The following COL5A2 variants were observed in gnomAD, a reference collection of about 807,000 sequenced individuals.
The protein encoded by COL5A2 is collagen alpha-2(V) chain.
Under a neutral mutation model 208.2 loss-of-function variants are expected in COL5A2, and 23 were observed. That is an observed-to-expected ratio of 0.11 (90% CI 0.08 to 0.16). COL5A2 has a LOEUF of 0.16. Among genes scored for constraint, COL5A2 ranks in the 10% least tolerant of loss-of-function variants. The pLI is 1.00. For synonymous variants in COL5A2, 625 were observed against 628.5 expected, an observed-to-expected ratio of 0.99 and a Z score of 0.08; for missense variants, 1,590 against 1,956.4, an observed-to-expected ratio of 0.81 and a Z score of 3.53.
the COL5A2 span, among the ~76,000 whole-genome samples, chr2:189,324,075 G>C: frequency 1.3e-5 from 2 of 152,160 alleles, no homozygotes; most frequent in African/African-American, 4.8e-5. Context: ...ATGGGCAAAG[G>C]ATTCCCTATT....
chr2:189,431,185 T>C, the COL5A2 span, among the ~76,000 whole-genome samples: 1 of 152,130 alleles, frequency 6.6e-6, no homozygotes, highest in Admixed American at 6.5e-5. Context: ...ACCCCATCTG[T>C]AGGTCACCAA....
the COL5A2 span, among the ~76,000 whole-genome samples, chr2:189,363,018 A>G: frequency 6.6e-6 from 1 of 152,126 alleles, no homozygotes; most frequent in Non-Finnish European, 1.5e-5. Context: ...GTTGACACAA[A>G]CAGAAATACA....
At chr2:189,056,845 G>A (rs1443979532) in intron 35 of COL5A2, 128 bp downstream of exon 35, 1 of 852,418 alleles carries the variant, frequency 1.2e-6, no homozygotes, top group Admixed American at 1.7e-5. Context: ...GATCTCACAT[G>A]CCATTATTCT....
At chr2:189,177,874 A>T (rs1425256113) in intron 1 of COL5A2, among the ~76,000 whole-genome samples, 4 of 152,166 alleles carry the variant, frequency 2.6e-5, no homozygotes, top group African/African-American at 9.7e-5. Context: ...TTATTCACAT[A>T]TTCAATTATT....
chr2:189,200,270 C>G (rs1415093375), intron 1 of COL5A2, among the ~76,000 whole-genome samples: 1 of 152,046 alleles, frequency 6.6e-6, no homozygotes, highest in Non-Finnish European at 1.5e-5. Flanking sequence ...CAGAAAGAAG[C>G]AGAAATGTAC....
At chr2:189,438,689 A>G in the COL5A2 span, among the ~76,000 whole-genome samples, 1,334 of 152,268 alleles carry the variant, frequency 8.8e-3, 19 homozygotes, top group African/African-American at 0.03. Flanking sequence ...GGAAGGAGAA[A>G]TACTGGGGAA....
chr2:189,319,534 G>A, the COL5A2 span, among the ~76,000 whole-genome samples: 106 of 152,356 alleles, frequency 7.0e-4, 2 homozygotes, highest in East Asian at 0.015. Flanking sequence ...TGCCTGGCTC[G>A]GAGGGTCCCA....
At chr2:189,279,022 T>C in the COL5A2 span, among the ~76,000 whole-genome samples, 1 of 152,096 alleles carries the variant, frequency 6.6e-6, no homozygotes, top group African/African-American at 2.4e-5. Context: ...TAATTTGCTC[T>C]TCCTCTATAA....
At chr2:189,251,231 A>T in the COL5A2 span, among the ~76,000 whole-genome samples, 1 of 152,230 alleles carries the variant, frequency 6.6e-6, no homozygotes, top group Admixed American at 6.5e-5. Flanking sequence ...TAAAAAGATC[A>T]AAACTGATGA....
the COL5A2 span, among the ~76,000 whole-genome samples, chr2:189,396,629 G>T: frequency 1.6e-4 from 23 of 140,220 alleles, no homozygotes; most frequent in Non-Finnish European, 2.9e-4. Flanking sequence ...AGCAGAGCTC[G>T]CGCCACTGCA....
the COL5A2 span, among the ~76,000 whole-genome samples, chr2:189,394,464 C>T: frequency 6.6e-6 from 1 of 152,160 alleles, no homozygotes; most frequent in East Asian, 1.9e-4. Flanking sequence ...TAGCGCCCAT[C>T]TAAGAGGAGA....
chr2:189,217,303 G>A (rs1289173768), intron 1 of COL5A2, among the ~76,000 whole-genome samples: 1 of 152,040 alleles, frequency 6.6e-6, no homozygotes, highest in Non-Finnish European at 1.5e-5. Context: ...GGGATATGCC[G>A]CAGCAATGTG....
the COL5A2 span, among the ~76,000 whole-genome samples, chr2:189,314,872 C>T: frequency 6.6e-6 from 1 of 152,144 alleles, no homozygotes; most frequent in Non-Finnish European, 1.5e-5. Flanking sequence ...CCTCCTACGA[C>T]TGAACCAGGA....
the COL5A2 span, among the ~76,000 whole-genome samples, chr2:189,325,820 G>A: frequency 1.3e-5 from 2 of 152,296 alleles, no homozygotes; most frequent in East Asian, 3.9e-4. Context: ...TAGAAGGCCA[G>A]GCGCAGTGGC....
chr2:189,039,530 G>A lies in COL5A2; in HGVS notation c.3667C>T (p.Pro1223Ser). 2 of 1,613,964 alleles carry A rather than the reference G, an allele frequency of 1.2e-6. No homozygotes were observed. The highest frequency in any genetic ancestry group is 1.7e-6 in the Non-Finnish European group (2 of 1,180,012). ...GCTGTAAGGTGGCCAGGGGGACCCG[G>A]AGGGCCAGGTGGGCCAGGCTCACCA... is the stretch of plus-strand genomic sequence containing the variant. ...PPGEPGPPGPPGPPGHLTAAL... is the reference protein window; with the variant it reads ...PPGEPGPPGPSGPPGHLTAAL... The change falls in exon 51 of 54, where the codon CCG (proline) becomes TCG (serine). Residue 1223 changes from proline to serine, a missense_variant. Transcript: ENST00000374866.
At chr2:189,273,670 C>G in the COL5A2 span, among the ~76,000 whole-genome samples, 1 of 152,024 alleles carries the variant, frequency 6.6e-6, no homozygotes, top group Non-Finnish European at 1.5e-5. Flanking sequence ...TACCATTCAG[C>G]CCTAAAAAGA....
At chr2:189,098,426 A>G (rs1686966952) in intron 5 of COL5A2, among the ~76,000 whole-genome samples, 1 of 152,244 alleles carries the variant, frequency 6.6e-6, no homozygotes, top group African/African-American at 2.4e-5. Flanking sequence ...AGTATGCCCT[A>G]ATTTCAGTGA....
At chr2:189,285,062 C>T in the COL5A2 span, among the ~76,000 whole-genome samples, 2 of 70,220 alleles carry the variant, frequency 2.8e-5, no homozygotes, top group Admixed American at 1.4e-4. Flanking sequence ...ACTTTGTGAG[C>T]ATGCACATGG....
chr2:189,071,916 T>C (rs753282831), intron 18 of COL5A2, 124 bp downstream of exon 18: 342 of 675,038 alleles, frequency 5.1e-4, no homozygotes, highest in Non-Finnish European at 7.7e-4. Context: ...ATGAGCATAC[T>C]CTAGGCTCTT....
Sources: allele counts gnomAD v4.1 joint callset (sites outside exome capture counted in the v4.1 genomes callset), GRCh38; gene constraint gnomAD v4.1.1; transcripts MANE v1.5; gene names NCBI Gene and HGNC (gene_info 2026-07-23, HGNC 2026-07-21).